The following RIT2 variants were observed in gnomAD, a reference collection of about 807,000 sequenced individuals.
The protein encoded by RIT2 is GTP-binding protein Rit2.
RIT2 carries 24 observed loss-of-function variants against 23.7 expected under a neutral mutation model. The ratio of observed to expected loss-of-function variants is 1.01; its 90% CI spans 0.73 to 1.43. The LOEUF is 1.43. RIT2 is among the 40% of genes most tolerant of loss of function. RIT2 has a pLI of 0.00. For synonymous variants in RIT2, 107 were observed against 91.1 expected (o/e 1.17, Z -0.99); for missense variants, 236 against 266.9 (o/e 0.88, Z 0.81).
intron 4 of RIT2, among the ~76,000 whole-genome samples, chr18:42,758,418 T>C (rs1913216185): frequency 6.6e-6 from 1 of 152,136 alleles, no homozygotes; most frequent in Non-Finnish European, 1.5e-5. Flanking sequence ...ATTTGACAAC[T>C]TGCCTAGTCC....
At chr18:42,975,470 G>T (rs1358687603) in intron 2 of RIT2, among the ~76,000 whole-genome samples, 1 of 152,086 alleles carries the variant, frequency 6.6e-6, no homozygotes, top group African/African-American at 2.4e-5. Context: ...AACCATGGCT[G>T]AGAGTGTGGG....
chr18:42,829,193 A>T (rs1241466940), intron 4 of RIT2, among the ~76,000 whole-genome samples: 1 of 152,164 alleles, frequency 6.6e-6, no homozygotes, highest in Non-Finnish European at 1.5e-5. Flanking sequence ...TCATGAGTAC[A>T]ATTGGAATAA....
chr18:43,096,704 G>A (rs1913562368), intron 1 of RIT2, among the ~76,000 whole-genome samples: 1 of 151,774 alleles, frequency 6.6e-6, no homozygotes, highest in Non-Finnish European at 1.5e-5. Flanking sequence ...CCACTAAGTT[G>A]AGTGGTGGGG....
At chr18:42,901,248 T>C (rs116539945) in intron 4 of RIT2, among the ~76,000 whole-genome samples, 18 of 152,050 alleles carry the variant, frequency 1.2e-4, no homozygotes. Flanking sequence ...ATAAAGCAGT[T>C]CTGCCAATGT....
At chr18:42,745,776 C>T (rs1015329525) in intron 4 of RIT2, among the ~76,000 whole-genome samples, 1 of 152,098 alleles carries the variant, frequency 6.6e-6, no homozygotes, top group Non-Finnish European at 1.5e-5. Context: ...TGGTATGACA[C>T]TGTATAACGT....
chr18:42,804,670 C>A (rs986863771), intron 4 of RIT2, among the ~76,000 whole-genome samples: 1 of 150,926 alleles, frequency 6.6e-6, no homozygotes, highest in Admixed American at 6.6e-5. Flanking sequence ...ATGATTAACT[C>A]ATGGCCTTGG....
chr18:42,754,923 A>G (rs1913126408), intron 4 of RIT2, among the ~76,000 whole-genome samples: 1 of 152,222 alleles, frequency 6.6e-6, no homozygotes. Context: ...CAATTGTGCT[A>G]CAGTGGGTAG....
chr18:42,975,116 T>A (rs1910449098), intron 2 of RIT2, among the ~76,000 whole-genome samples: 1 of 152,074 alleles, frequency 6.6e-6, no homozygotes, highest in African/African-American at 2.4e-5. Context: ...GCAACCTCAC[T>A]GGCATCTGCT....
chr18:43,040,815 TC>T (rs1387531383), intron 1 of RIT2, among the ~76,000 whole-genome samples: 1 of 151,060 alleles, frequency 6.6e-6, no homozygotes, highest in Admixed American at 6.6e-5. Context: ...TGTTATACTT[TC>T]CCCCCCAAAA....
intron 1 of RIT2, among the ~76,000 whole-genome samples, chr18:43,094,538 A>C (rs12958696): frequency 1.3e-5 from 2 of 152,018 alleles, no homozygotes; most frequent in African/African-American, 4.8e-5. Flanking sequence ...ATTGAGTTTC[A>C]CGGGAAAATG....
chr18:42,795,852 GCT>G (rs1164203347), intron 4 of RIT2, among the ~76,000 whole-genome samples: 1 of 152,114 alleles, frequency 6.6e-6, no homozygotes, highest in Non-Finnish European at 1.5e-5. Context: ...TCTGTATCTA[GCT>G]ACTCTGGTGG....
At chr18:42,792,464 G>A (rs1254896453) in intron 4 of RIT2, among the ~76,000 whole-genome samples, 1 of 152,074 alleles carries the variant, frequency 6.6e-6, no homozygotes, top group Non-Finnish European at 1.5e-5. Context: ...TTTCCAATCT[G>A]TTCTAGTCTA....
intron 4 of RIT2, among the ~76,000 whole-genome samples, chr18:42,828,362 G>A (rs1906363098): frequency 6.6e-6 from 1 of 152,216 alleles, no homozygotes; most frequent in African/African-American, 2.4e-5. Context: ...ATTACTTGGA[G>A]CATCAGCATA....
chr18:42,905,827 G>A (rs1163821561), intron 4 of RIT2, among the ~76,000 whole-genome samples: 2 of 150,982 alleles, frequency 1.3e-5, no homozygotes, highest in African/African-American at 4.9e-5. Context: ...TCAGAATCTA[G>A]GATGTCGATA....
intron 1 of RIT2, among the ~76,000 whole-genome samples, chr18:43,037,940 C>CA (rs1912018587): frequency 6.6e-6 from 1 of 152,044 alleles, no homozygotes. Context: ...CGCCGTGGCT[C>CA]ATGCCTGTAA....
chr18:43,042,736 G>A (rs923441495), intron 1 of RIT2, among the ~76,000 whole-genome samples: 7 of 152,148 alleles, frequency 4.6e-5, no homozygotes, highest in African/African-American at 1.7e-4. Context: ...GCCTTCTAAA[G>A]GTTTACATTT....
intron 4 of RIT2, among the ~76,000 whole-genome samples, chr18:42,850,466 T>C (rs1010831656): frequency 1.1e-4 from 17 of 152,278 alleles, no homozygotes; most frequent in Non-Finnish European, 2.1e-4. Flanking sequence ...ACTGTGTTAA[T>C]AGCCTTTACG....
At chr18:42,811,471 G>A (rs1905847684) in intron 4 of RIT2, among the ~76,000 whole-genome samples, 2 of 152,162 alleles carry the variant, frequency 1.3e-5, no homozygotes, top group Admixed American at 6.5e-5. Flanking sequence ...ATCCAGGAAA[G>A]TCTCCAAGAT....
intron 1 of RIT2, among the ~76,000 whole-genome samples, chr18:43,040,434 A>T (rs1331569533): frequency 1.3e-5 from 2 of 152,180 alleles, no homozygotes; most frequent in African/African-American, 4.8e-5. Flanking sequence ...AACATAAGTT[A>T]TGCTGGAAGA....
Sources: allele counts gnomAD v4.1 joint callset (sites outside exome capture counted in the v4.1 genomes callset), GRCh38; gene constraint gnomAD v4.1.1; transcripts MANE v1.5; gene names NCBI Gene and HGNC (gene_info 2026-07-23, HGNC 2026-07-21).